Variants in CPQ observed in about 807,000 individuals in gnomAD.
CPQ encodes carboxypeptidase Q.
Under a neutral mutation model 45.7 loss-of-function variants are expected in CPQ, and 37 were observed. The observed-to-expected ratio is 0.81, with a 90% CI of 0.62 to 1.07. The LOEUF (loss-of-function observed/expected upper bound fraction) is 1.07, where lower values mean the gene tolerates loss of function less well. CPQ is among the 50% of genes least tolerant of loss of function. The probability of loss-of-function intolerance (pLI) is 0.00; values close to 1 mark genes in which losing one functional copy is unlikely to be tolerated. For missense variants in CPQ, 537 were observed against 572.9 expected, an observed-to-expected ratio of 0.94 and a Z score of 0.64; for synonymous variants, 186 against 205.8, an observed-to-expected ratio of 0.90 and a Z score of 0.82.
At chr8:97,018,482 C>A (rs61414448) in intron 5 of CPQ, among the ~76,000 whole-genome samples, 2,135 of 151,810 alleles carry the variant, frequency 0.014, 47 homozygotes, top group African/African-American at 0.048. Flanking sequence ...TAAGGAAATC[C>A]AAAAAAATGA....
chr8:96,764,638 G>T (rs554555432), intron 1 of CPQ, among the ~76,000 whole-genome samples: 1 of 152,250 alleles, frequency 6.6e-6, no homozygotes, highest in East Asian at 1.9e-4. Context: ...AAAAACCCAA[G>T]ACTAAAGTGA....
chr8:96,927,121 A>G (rs945612425), intron 4 of CPQ, among the ~76,000 whole-genome samples: 1 of 152,226 alleles, frequency 6.6e-6, no homozygotes, highest in African/African-American at 2.4e-5. Context: ...AATATGACAT[A>G]CTTTCATGTG....
chr8:96,760,661 A>G (rs1446059931), intron 1 of CPQ, among the ~76,000 whole-genome samples: 1 of 152,188 alleles, frequency 6.6e-6, no homozygotes, highest in East Asian at 1.9e-4. Flanking sequence ...AAGAGAACCC[A>G]AAGAGAAGAA....
intron 5 of CPQ, among the ~76,000 whole-genome samples, chr8:96,994,738 G>A (rs1397648722): frequency 6.6e-6 from 1 of 152,040 alleles, no homozygotes; most frequent in Non-Finnish European, 1.5e-5. Flanking sequence ...ATTTATTCCT[G>A]TTGACCTAGA....
intron 2 of CPQ, among the ~76,000 whole-genome samples, chr8:96,821,514 C>A (rs143903399): frequency 3.4e-4 from 51 of 151,852 alleles, no homozygotes; most frequent in African/African-American, 1.1e-3. Context: ...TATAGCTATC[C>A]AGTTTTTGAT....
chr8:96,848,023 C>G (rs1811722195), intron 3 of CPQ, among the ~76,000 whole-genome samples: 2 of 151,434 alleles, frequency 1.3e-5, no homozygotes, highest in African/African-American at 4.9e-5. Flanking sequence ...AATTATCCAC[C>G]CACTCCAACC....
chr8:96,706,846 A>G (rs1809536389), intron 1 of CPQ, among the ~76,000 whole-genome samples: 1 of 152,086 alleles, frequency 6.6e-6, no homozygotes, highest in Non-Finnish European at 1.5e-5. Flanking sequence ...TGATCTTGCT[A>G]TTCAAATTTT....
rs187786967 is a variant in CPQ, at chr8:97,123,067, A to T, written c.1256-19953A>T. Among the ~76,000 whole-genome samples, 345 of 68,228 alleles carry T rather than the reference A, an allele frequency of 5.1e-3. 35 individuals are homozygous for T. Among genetic ancestry groups the T allele is most frequent in the African/African-American group, 0.015 (136 of 9,340 alleles). The allele number at this position is 68,228 out of a possible 152,430, so 44.8% of individuals were successfully genotyped here. On this transcript the variant is annotated intron_variant, in intron 7 of 7. Coordinates refer to ENST00000220763, the MANE Select transcript of CPQ (RefSeq NM_016134.4). ...ATAAATAAAATAAAATAAAATAAAA[A>T]AAATAAAATAAAATAAATAAAATAA...
chr8:96,740,889 A>G (rs1424367532), intron 1 of CPQ, among the ~76,000 whole-genome samples: 1 of 152,162 alleles, frequency 6.6e-6, no homozygotes, highest in Non-Finnish European at 1.5e-5. Flanking sequence ...GGATTTTTGC[A>G]TCAATGTTCA....
chr8:96,690,420 C>T (rs1422792204), intron 1 of CPQ, among the ~76,000 whole-genome samples: 1 of 152,104 alleles, frequency 6.6e-6, no homozygotes, highest in Non-Finnish European at 1.5e-5. Context: ...TTCCCCATTG[C>T]CTTGCCTTCA....
chr8:96,674,692 C>T (rs1194428661), intron 1 of CPQ, among the ~76,000 whole-genome samples: 6 of 152,030 alleles, frequency 3.9e-5, no homozygotes, highest in African/African-American at 1.4e-4. Context: ...AAGACATTCC[C>T]TTCATACCCT....
intron 7 of CPQ, among the ~76,000 whole-genome samples, chr8:97,082,243 C>T (rs1472311251): frequency 6.6e-6 from 1 of 152,206 alleles, no homozygotes; most frequent in Non-Finnish European, 1.5e-5. Context: ...TGCATTCTCT[C>T]AGCCCAACTT....
At chr8:96,828,665 C>T (rs1397288575) in intron 2 of CPQ, among the ~76,000 whole-genome samples, 2 of 151,978 alleles carry the variant, frequency 1.3e-5, no homozygotes, top group Non-Finnish European at 2.9e-5. Context: ...TAGATGACAG[C>T]GGTTTTCATG....
Position 96,805,129 on chromosome 8 carries a change from A to C in CPQ, c.433+19799A>C, listed in dbSNP as rs368703164. Among the ~76,000 whole-genome samples, 344 of 152,342 alleles carry C rather than the reference A, an allele frequency of 2.3e-3. 4 individuals are homozygous for C. Among genetic ancestry groups the C allele is most frequent in the African/African-American group, 8.1e-3 (336 of 41,582 alleles). ...CTGCAGCCTTTTAAAATAATATTTTACTGATCATAAAAGCAATGTGCTTAG... is the reference window on the plus strand; with the variant it reads ...CTGCAGCCTTTTAAAATAATATTTTCCTGATCATAAAAGCAATGTGCTTAG... On this transcript the variant is annotated intron_variant, in intron 2 of 7. Coordinates refer to ENST00000220763, the MANE Select transcript of CPQ (RefSeq NM_016134.4).
At chr8:96,790,908 C>A (rs1195717438) in intron 2 of CPQ, among the ~76,000 whole-genome samples, 1 of 152,056 alleles carries the variant, frequency 6.6e-6, no homozygotes, top group African/African-American at 2.4e-5. Flanking sequence ...CTGGGATAGC[C>A]AGTTTTGATC....
intron 1 of CPQ, among the ~76,000 whole-genome samples, chr8:96,783,435 CAGA>C (rs1490079435): frequency 6.6e-6 from 1 of 151,966 alleles, no homozygotes; most frequent in Admixed American, 6.6e-5. Context: ...AGGCATCGCA[CAGA>C]AGAAGGGCAA....
chr8:96,773,430 A>G (rs1810570736), intron 1 of CPQ, among the ~76,000 whole-genome samples: 1 of 152,176 alleles, frequency 6.6e-6, no homozygotes, highest in African/African-American at 2.4e-5. Flanking sequence ...GAGACTAGTG[A>G]GCTGAATCTT....
At chr8:97,105,161 G>A (rs948239316) in intron 7 of CPQ, among the ~76,000 whole-genome samples, 2 of 152,196 alleles carry the variant, frequency 1.3e-5, no homozygotes, top group Admixed American at 6.5e-5. Context: ...TAATGGTCAC[G>A]TGGTATCACA....
intron 7 of CPQ, among the ~76,000 whole-genome samples, chr8:97,076,246 G>A (rs958811481): frequency 3.3e-5 from 5 of 151,688 alleles, no homozygotes; most frequent in African/African-American, 9.7e-5. Context: ...GGCTGGTCTC[G>A]AACACCTGAC....
Sources: gnomAD v4.1 joint callset for allele counts (sites outside exome capture counted in the v4.1 genomes callset) on GRCh38, gnomAD v4.1.1 for gene constraint, MANE v1.5 for transcripts, NCBI Gene and HGNC (gene_info 2026-07-23, HGNC 2026-07-21) for gene names.